Variants in LDB3 observed in about 807,000 individuals in gnomAD.
LDB3 encodes the protein LIM domain binding 3.
LDB3 carries 49 observed loss-of-function variants against 69.0 expected under a neutral mutation model. The observed-to-expected ratio is 0.71, with a 90% CI of 0.56 to 0.90. The LOEUF (loss-of-function observed/expected upper bound fraction) is 0.90, where lower values mean the gene tolerates loss of function less well. Among genes scored for constraint, LDB3 ranks in the 40% least tolerant of loss-of-function variants. The pLI, the probability that LDB3 is intolerant of heterozygous loss-of-function variation, is 0.00. For missense variants in LDB3, 928 were observed against 974.1 expected (o/e 0.95, Z 0.63); for synonymous variants, 387 against 396.2 (o/e 0.98, Z 0.28).
intron 9 of LDB3, chr10:86,710,385 T>G (rs1427978718): frequency 2.4e-6 from 1 of 418,826 alleles, no homozygotes; most frequent in Non-Finnish European, 3.2e-6. Context: ...AGGTCGGGAG[T>G]TTGAGACCGC....
rs113065084 is a variant in LDB3, at chr10:86,668,725, C to T, written c.34C>T (p.Pro12Ser). The change falls in exon 2 of 14, where the codon CCC (proline) becomes TCC (serine). Residue 12 changes from proline to serine, a missense_variant. Transcript: ENST00000361373. ...CAGTGTGACCCTGACTGGGCCCGGGCCCTGGGGCTTCCGTCTGCAGGGGGG... is the reference window on the plus strand; with the variant it reads ...CAGTGTGACCCTGACTGGGCCCGGGTCCTGGGGCTTCCGTCTGCAGGGGGG... The part of the protein sequence containing the change: ...SYSVTLTGPG[P>S]WGFRLQGGKD... 2 of 1,613,364 alleles carry T rather than the reference C, an allele frequency of 1.2e-6. No individual in the cohort carries two copies. Among genetic ancestry groups the T allele is most frequent in the South Asian group, 1.1e-5 (1 of 91,072 alleles).
At chr10:86,726,353 C>G in intron 13 of LDB3, 101 bp downstream of exon 13, 2 of 825,208 alleles carry the variant, frequency 2.4e-6, no homozygotes, top group Middle Eastern at 2.3e-4. Context: ...CGCTAGCTTT[C>G]TGACATCCTG....
intron 2 of LDB3, among the ~76,000 whole-genome samples, chr10:86,672,831 A>G (rs1291562215): frequency 6.6e-6 from 1 of 152,222 alleles, no homozygotes; most frequent in Non-Finnish European, 1.5e-5. Flanking sequence ...GGGCCAGGAC[A>G]CCGTGCAAGG....
intron 2 of LDB3, among the ~76,000 whole-genome samples, chr10:86,675,140 A>G (rs1370382137): frequency 1.3e-5 from 2 of 152,126 alleles, no homozygotes; most frequent in East Asian, 3.9e-4. Flanking sequence ...AGGCTTGGCT[A>G]CTGACCAGAC....
intron 12 of LDB3, among the ~76,000 whole-genome samples, chr10:86,724,542 T>C (rs899855180): frequency 6.6e-5 from 10 of 151,486 alleles, no homozygotes; most frequent in African/African-American, 9.7e-5. Context: ...AGGCGGAGGT[T>C]GCAGTGAGCC....
At chr10:86,677,602 C>T (rs902883969) in intron 2 of LDB3, among the ~76,000 whole-genome samples, 3 of 152,138 alleles carry the variant, frequency 2.0e-5, no homozygotes, top group African/African-American at 4.8e-5. Context: ...GGGGAATTCC[C>T]GGGATGGAGT....
Position 86,687,241 on chromosome 10 carries a change from C to A in LDB3, c.690-4655C>A, listed in dbSNP as rs1220958570. The stretch of plus-strand genomic sequence containing the variant: ...TGCCATCATGGATGCCATCGCTGGG[C>A]AGGCCCAAGCCCAAGGCAGTGACTT... On this transcript the variant is annotated intron_variant, in intron 5 of 13. Transcript: ENST00000361373. 2.5e-6 allele frequency: 4 copies of A among 1,614,104 alleles called. No individual in the cohort carries two copies. Among genetic ancestry groups the A allele is most frequent in the Non-Finnish European group, 3.4e-6 (4 of 1,180,052 alleles).
chr10:86,735,295 C>G lies in LDB3; in HGVS notation c.*2319C>G, dbSNP rs957586615. 3 of 150,828 alleles carry G rather than the reference C, an allele frequency of 2.0e-5. No homozygotes were observed. The highest frequency in any genetic ancestry group is 2.1e-4 in the South Asian group (1 of 4,788). 9.3% of individuals were successfully genotyped at this position (150,828 alleles called of 1,614,324 possible). A position where few individuals can be genotyped will look rare whatever the true frequency, so the allele number is the denominator to read the frequency against. On this transcript the variant is annotated 3_prime_UTR_variant, in exon 14 of 14. Transcript: ENST00000361373. ...AAAAAAAAAACCACTTAAAAGGTAG[C>G]AGGAAAAGAAGGTAGTTTTGAGTGT...
At chr10:86,684,257 C>A (rs1468025179) in intron 5 of LDB3, among the ~76,000 whole-genome samples, 5 of 152,244 alleles carry the variant, frequency 3.3e-5, no homozygotes, top group African/African-American at 9.6e-5. Flanking sequence ...TTTGGCTCAT[C>A]TTCCCCAAGA....
Position 86,699,132 on chromosome 10 carries a change from T to A in LDB3, c.896+6561T>A. 1 of 908,380 alleles carries A rather than the reference T, an allele frequency of 1.1e-6. No homozygotes were observed. 56.3% of individuals were successfully genotyped at this position (908,380 alleles called of 1,614,324 possible). ...GCATAGCTTCTCCAAGCCCGTTCCC[T>A]CCCTCCCATGCCCTCTGCCCCACCT... On this transcript the variant is annotated intron_variant, in intron 7 of 13. Coordinates refer to ENST00000361373, the MANE Select transcript of LDB3 (RefSeq NM_007078.3). This position sits in a 1 kb window ranked among gnomAD's most constrained non-coding sequence, Gnocchi z 4.9.
At chr10:86,682,538 A>C (rs562252861) in intron 5 of LDB3, among the ~76,000 whole-genome samples, 11 of 152,250 alleles carry the variant, frequency 7.2e-5, no homozygotes, top group South Asian at 4.2e-4. Flanking sequence ...GAGTCCCCAC[A>C]CTGGGCCTGT....
chr10:86,691,025 C>T (rs1845733221), intron 5 of LDB3, among the ~76,000 whole-genome samples: 1 of 152,214 alleles, frequency 6.6e-6, no homozygotes, highest in African/African-American at 2.4e-5. Flanking sequence ...CGGCTTGGTC[C>T]TCTGGTCCCC....
At chr10:86,711,034 G>A (rs1470597778) in intron 9 of LDB3, among the ~76,000 whole-genome samples, 1 of 152,324 alleles carries the variant, frequency 6.6e-6, no homozygotes, top group East Asian at 1.9e-4. Context: ...AACTCCGCAG[G>A]GCGAGGTGGC....
At chr10:86,703,428 C>A (rs879691469) in intron 7 of LDB3, among the ~76,000 whole-genome samples, 1 of 152,226 alleles carries the variant, frequency 6.6e-6, no homozygotes, top group Admixed American at 6.5e-5. Context: ...GGGCCAGGCA[C>A]GGCTGCAGGC....
At chr10:86,686,957 T>A in intron 5 of LDB3, 2 of 943,478 alleles carry the variant, frequency 2.1e-6, no homozygotes, top group Non-Finnish European at 3.4e-6. Context: ...CTCTGGGAGA[T>A]CTCTCTCGAC....
intron 5 of LDB3, among the ~76,000 whole-genome samples, chr10:86,683,602 C>T (rs962667544): frequency 6.6e-6 from 1 of 152,228 alleles, no homozygotes; most frequent in African/African-American, 2.4e-5. Flanking sequence ...GTGCTCAGAG[C>T]AGCAGAGTCT....
At chr10:86,676,071 G>A (rs1390285774) in intron 2 of LDB3, among the ~76,000 whole-genome samples, 1 of 152,240 alleles carries the variant, frequency 6.6e-6, no homozygotes, top group African/African-American at 2.4e-5. Context: ...CTGGGGGTAA[G>A]GGCTATGTGT....
At chr10:86,706,805 T>C (rs1846463462) in intron 8 of LDB3, 86 bp downstream of exon 8, 1 of 1,437,054 alleles carries the variant, frequency 7.0e-7, no homozygotes, top group East Asian at 2.5e-5. Context: ...GCCAGCTGTG[T>C]CCAAGGTAGT....
chr10:86,718,805 A>G lies in LDB3; in HGVS notation c.1936A>G (p.Ser646Gly). The G allele has an allele frequency of 6.2e-7, 1 of 1,614,188 alleles. No individual in the cohort carries two copies. The highest frequency in any genetic ancestry group is 8.5e-7 in the Non-Finnish European group (1 of 1,180,032). Residue 646 changes from serine to glycine, a missense_variant, in exon 12 of 14, where the codon AGC becomes GGC. Transcript: ENST00000361373. ...CAACKKPFGN[S>G]LFHMEDGEPY... is the part of the protein sequence containing the mutation. ...GGCCTGCAAGAAGCCTTTTGGGAAC[A>G]GCCTCTTCCACATGGAAGACGGGGA...
Sources: gnomAD v4.1 joint callset for allele counts (sites outside exome capture counted in the v4.1 genomes callset) on GRCh38, gnomAD v4.1.1 for gene constraint, Gnocchi (gnomAD v3.1) non-coding constraint, MANE v1.5 for transcripts, NCBI Gene and HGNC (gene_info 2026-07-23, HGNC 2026-07-21) for gene names.